Variants in LRRTM4 observed in about 807,000 individuals in gnomAD.
LRRTM4 encodes leucine rich repeat transmembrane neuronal 4.
Under a neutral mutation model 47.6 loss-of-function variants are expected in LRRTM4, and 25 were observed. The ratio of observed to expected loss-of-function variants is 0.53; its 90% confidence interval spans 0.38 to 0.73. LRRTM4 has a LOEUF of 0.73. Among genes scored for constraint, LRRTM4 ranks in the 30% least tolerant of loss-of-function variants. LRRTM4 has a pLI of 0.00. For missense variants in LRRTM4, 638 were observed against 713.4 expected (o/e 0.89, Z 1.20); for synonymous variants, 311 against 269.5 (o/e 1.15, Z -1.51).
At chr2:77,149,278 T>C (rs190502257) in intron 3 of LRRTM4, among the ~76,000 whole-genome samples, 5 of 152,274 alleles carry the variant, frequency 3.3e-5, no homozygotes, top group African/African-American at 7.2e-5. Context: ...TTTAGACATA[T>C]TGAGCTAAAT....
In LRRTM4 at chr2:77,362,129, G is replaced by GAAAGAAAGA. The variant is rs1553434390; in HGVS notation, c.1551+156180_1551+156188dup. On this transcript the variant is annotated intron_variant, in intron 3 of 3. Coordinates refer to ENST00000409884, the MANE Select transcript of LRRTM4 (RefSeq NM_001134745.3). ...AGAAAGAAAGAGAGAAAGAAAGAAA[G>GAAAGAAAGA]AAAGAAAGAAAGAAAGAAAGAAAGA... Among the ~76,000 whole-genome samples the GAAAGAAAGA allele has an allele frequency of 1.9e-3, 243 of 127,668 alleles. 1 individual carries two copies. The highest frequency in any genetic ancestry group is 2.8e-3 in the Non-Finnish European group (158 of 57,318). The allele number at this position is 127,668 out of a possible 152,430, so 83.8% of individuals were successfully genotyped here.
At chr2:77,150,465 A>G (rs1672385902) in intron 3 of LRRTM4, among the ~76,000 whole-genome samples, 1 of 152,190 alleles carries the variant, frequency 6.6e-6, no homozygotes, top group Admixed American at 6.5e-5. Context: ...TCAACTAAGA[A>G]GAGAGACACC....
chr2:77,058,652 G>A (rs905521661), intron 3 of LRRTM4, among the ~76,000 whole-genome samples: 30 of 151,744 alleles, frequency 2.0e-4, no homozygotes, highest in Non-Finnish European at 2.1e-4. Context: ...TTATTCATTT[G>A]CTTGATTAAA....
chr2:76,807,151 C>T (rs1040350016), intron 3 of LRRTM4, among the ~76,000 whole-genome samples: 1 of 151,828 alleles, frequency 6.6e-6, no homozygotes, highest in Non-Finnish European at 1.5e-5. Context: ...AGTCATTTCA[C>T]AATTCTACTT....
intron 3 of LRRTM4, among the ~76,000 whole-genome samples, chr2:77,265,476 C>A (rs944977963): frequency 6.6e-6 from 1 of 152,056 alleles, no homozygotes; most frequent in African/African-American, 2.4e-5. Context: ...GTGCTGCCAT[C>A]TTCCAAGTTA....
At chr2:76,834,068 T>G (rs891833468) in intron 3 of LRRTM4, among the ~76,000 whole-genome samples, 3 of 149,006 alleles carry the variant, frequency 2.0e-5, no homozygotes, top group Non-Finnish European at 4.5e-5. Context: ...TGAGATGGAG[T>G]CTTGCACTGT....
At chr2:77,048,663 T>C (rs1178583046) in intron 3 of LRRTM4, among the ~76,000 whole-genome samples, 1 of 152,022 alleles carries the variant, frequency 6.6e-6, no homozygotes, top group African/African-American at 2.4e-5. Context: ...TAACTATATG[T>C]TTTTTATGGG....
At chr2:76,788,537 G>C (rs571601803) in intron 3 of LRRTM4, among the ~76,000 whole-genome samples, 1 of 152,278 alleles carries the variant, frequency 6.6e-6, no homozygotes, top group South Asian at 2.1e-4. Flanking sequence ...CAGAGGCTGA[G>C]ATTAATGATA....
At chr2:77,396,276 G>A (rs1018556314) in intron 3 of LRRTM4, among the ~76,000 whole-genome samples, 1 of 151,700 alleles carries the variant, frequency 6.6e-6, no homozygotes, top group African/African-American at 2.4e-5. Context: ...TTTACCTTCA[G>A]CAAGAAAGTA....
At chr2:76,795,603 T>TATATAC (rs1486808744) in intron 3 of LRRTM4, among the ~76,000 whole-genome samples, 2 of 84,796 alleles carry the variant, frequency 2.4e-5, no homozygotes, top group African/African-American at 1.2e-4. Flanking sequence ...ACACACACAC[T>TATATAC]ACATTTTCTT....
intron 3 of LRRTM4, among the ~76,000 whole-genome samples, chr2:77,174,721 G>T (rs955439646): frequency 6.6e-6 from 1 of 152,014 alleles, no homozygotes; most frequent in Non-Finnish European, 1.5e-5. Context: ...ATGTATACAT[G>T]TGCCATGTTG....
In LRRTM4 at chr2:76,796,156, G is replaced by A. The variant is rs1230963251; in HGVS notation, c.1552-47240C>T. 2.6e-3 allele frequency among the ~76,000 whole-genome samples: 373 copies of A among 144,292 alleles called. 14 individuals are homozygous for A. The highest frequency in any genetic ancestry group is 8.6e-3 in the African/African-American group (341 of 39,580). The allele number at this position is 144,292 out of a possible 152,430, so 94.7% of individuals were successfully genotyped here. A position where few individuals can be genotyped will look rare whatever the true frequency, so the allele number is the denominator to read the frequency against. ...CAAGATTATATCCCGCACATGGCTC[G>A]CAGGGTCCTACGCCCACAGAGCCTC... On this transcript the variant is annotated intron_variant, in intron 3 of 3. Transcript: ENST00000409884.
chr2:77,450,149 A>T (rs1676202083), intron 3 of LRRTM4, among the ~76,000 whole-genome samples: 1 of 152,138 alleles, frequency 6.6e-6, no homozygotes, highest in South Asian at 2.1e-4. Flanking sequence ...CACTTTTAAT[A>T]TGATATTTAT....
In LRRTM4 at chr2:76,875,045, T is replaced by C. The variant is rs144447023; in HGVS notation, c.1552-126129A>G. Among the ~76,000 whole-genome samples the C allele has an allele frequency of 6.7e-3, 1,016 of 152,208 alleles. 13 individuals carry two copies. Among genetic ancestry groups the C allele is most frequent in the African/African-American group, 0.023 (968 of 41,552 alleles). ...TTACTATGGGGGTGGCATTTAGTTT[T>C]TGAAGTCATTTTAATGTCTATAGAT... On this transcript the variant is annotated intron_variant, in intron 3 of 3. Transcript: ENST00000409884.
intron 3 of LRRTM4, among the ~76,000 whole-genome samples, chr2:76,779,363 T>G (rs963695134): frequency 1.3e-5 from 2 of 151,230 alleles, no homozygotes; most frequent in East Asian, 3.9e-4. Flanking sequence ...CAGTGGGGTG[T>G]TAAAGTCTCC....
At chr2:77,238,505 C>T (rs1408206782) in intron 3 of LRRTM4, among the ~76,000 whole-genome samples, 1 of 151,766 alleles carries the variant, frequency 6.6e-6, no homozygotes, top group African/African-American at 2.4e-5. Flanking sequence ...GAGAACTACC[C>T]ATGTTGCCTT....
At chr2:77,300,097 G>A (rs1379178403) in intron 3 of LRRTM4, among the ~76,000 whole-genome samples, 1 of 152,004 alleles carries the variant, frequency 6.6e-6, no homozygotes, top group Non-Finnish European at 1.5e-5. Context: ...TGATGTACCT[G>A]CCTCGGCCTC....
chr2:76,814,958 G>T (rs758133701), intron 3 of LRRTM4, among the ~76,000 whole-genome samples: 1 of 151,964 alleles, frequency 6.6e-6, no homozygotes, highest in Non-Finnish European at 1.5e-5. Flanking sequence ...ATGTACTTTG[G>T]AAGGACACAT....
intron 3 of LRRTM4, among the ~76,000 whole-genome samples, chr2:77,474,091 A>G (rs1677287810): frequency 6.6e-6 from 1 of 152,162 alleles, no homozygotes; most frequent in South Asian, 2.1e-4. Flanking sequence ...GTAAAGAAAA[A>G]TTCAATCATG....
Sources: allele counts gnomAD v4.1 joint callset (sites outside exome capture counted in the v4.1 genomes callset), GRCh38; gene constraint gnomAD v4.1.1; transcripts MANE v1.5; gene names NCBI Gene and HGNC (gene_info 2026-07-23, HGNC 2026-07-21).